The following CHRM5 variants were observed in gnomAD, a reference collection of about 807,000 sequenced individuals.
CHRM5 encodes cholinergic receptor muscarinic 5.
A neutral mutation model predicts 39.0 loss-of-function variants in CHRM5; 18 were observed. The ratio of observed to expected loss-of-function variants is 0.46; its 90% confidence interval spans 0.32 to 0.68. The LOEUF is 0.68. Among genes scored for constraint, CHRM5 ranks in the 30% least tolerant of loss-of-function variants. CHRM5 has a pLI of 0.04. For missense variants in CHRM5, 515 were observed against 651.1 expected (o/e 0.79, Z 2.28); for synonymous variants, 241 against 246.3 (o/e 0.98, Z 0.20).
intron 1 of CHRM5, among the ~76,000 whole-genome samples, chr15:33,995,400 A>G (rs1896892583): frequency 6.6e-6 from 1 of 152,264 alleles, no homozygotes; most frequent in South Asian, 2.1e-4. Flanking sequence ...AAGATGATTT[A>G]AAGTATATAA....
At chr15:34,004,886 CCAAACA>C (rs1220089264) in intron 1 of CHRM5, among the ~76,000 whole-genome samples, 2 of 151,374 alleles carry the variant, frequency 1.3e-5, no homozygotes, top group Non-Finnish European at 2.9e-5. Context: ...AAGATGTGTC[CCAAACA>C]TTACAAAATC....
intron 2 of CHRM5, among the ~76,000 whole-genome samples, chr15:34,052,969 A>G (rs2437888): frequency 0.16 from 24,545 of 152,010 alleles, 2,430 homozygotes; most frequent in African/African-American, 0.27. Context: ...TACCATTGAT[A>G]TTCTTCACAA....
At chr15:34,000,151 G>A (rs769521041) in intron 1 of CHRM5, among the ~76,000 whole-genome samples, 4 of 152,078 alleles carry the variant, frequency 2.6e-5, no homozygotes, top group Non-Finnish European at 5.9e-5. Flanking sequence ...TATATTCTCA[G>A]TAAGACCCCT....
intron 1 of CHRM5, among the ~76,000 whole-genome samples, chr15:33,986,472 T>C (rs1187716626): frequency 6.6e-6 from 1 of 152,074 alleles, no homozygotes; most frequent in Non-Finnish European, 1.5e-5. Flanking sequence ...TACAGAATTT[T>C]AAAGGTAAAT....
At chr15:33,999,843 T>C (rs1189922628) in intron 1 of CHRM5, among the ~76,000 whole-genome samples, 9 of 152,236 alleles carry the variant, frequency 5.9e-5, no homozygotes, top group Admixed American at 5.9e-4. Flanking sequence ...AGTGATCCTG[T>C]TAACACAGGA....
Position 34,058,555 on chromosome 15 carries a change from AACACACACACAC to A in CHRM5, c.-75-4060_-75-4049del, listed in dbSNP as rs3027963. ...AGGAAGTTCTCTCTGCTTTAATTCT[AACACACACACAC>A]ACACACACACACACACACACACACA... On this transcript the variant is annotated intron_variant, in intron 2 of 2. Coordinates refer to ENST00000383263, the MANE Select transcript of CHRM5 (RefSeq NM_012125.4). 2.2e-3 allele frequency among the ~76,000 whole-genome samples: 319 copies of A among 143,286 alleles called. 2 individuals are homozygous for A. The highest frequency in any genetic ancestry group is 7.8e-3 in the African/African-American group (302 of 38,880). 94.0% of individuals were successfully genotyped at this position (143,286 alleles called of 152,430 possible).
chr15:34,061,265 A>C (rs1166418966), intron 2 of CHRM5, among the ~76,000 whole-genome samples: 2 of 152,140 alleles, frequency 1.3e-5, no homozygotes, highest in Non-Finnish European at 2.9e-5. Flanking sequence ...TAGATTTTTT[A>C]ATCTACAAAG....
At chr15:34,050,292 C>T (rs1222769378) in intron 2 of CHRM5, among the ~76,000 whole-genome samples, 5 of 152,164 alleles carry the variant, frequency 3.3e-5, no homozygotes, top group Non-Finnish European at 5.9e-5. Flanking sequence ...CAAGCAAATG[C>T]TGAGGGAATT....
chr15:34,049,566 C>T (rs1395148135), intron 2 of CHRM5, among the ~76,000 whole-genome samples: 2 of 152,032 alleles, frequency 1.3e-5, no homozygotes, highest in Non-Finnish European at 2.9e-5. Context: ...GATTGGGGTA[C>T]CTGAAAGAGA....
At chr15:33,987,617 T>C (rs1394496973) in intron 1 of CHRM5, among the ~76,000 whole-genome samples, 1 of 152,196 alleles carries the variant, frequency 6.6e-6, no homozygotes. Context: ...CTACCAGAAT[T>C]ATTCCACTGA....
chr15:34,062,868 G>A lies in CHRM5; in HGVS notation c.151G>A (p.Val51Ile). 1.2e-6 allele frequency: 2 copies of A among 1,614,166 alleles called. No individual in the cohort carries two copies. Among genetic ancestry groups the A allele is most frequent in the Non-Finnish European group, 1.7e-6 (2 of 1,180,040 alleles). Residue 51 changes from valine to isoleucine, a missense_variant, in exon 3 of 3, where the codon GTC (valine) becomes ATC (isoleucine). Physicochemically the swap from Val to Ile is conservative, Grantham distance 29 (BLOSUM62 3). Coordinates refer to ENST00000383263, the MANE Select transcript of CHRM5 (RefSeq NM_012125.4). ...SLITIVGNVL[V>I]MISFKVNSQL... The stretch of plus-strand genomic sequence containing the variant: ...GATCACCATTGTGGGCAATGTCTTG[G>A]TCATGATCTCCTTCAAAGTCAACAG...
intron 1 of CHRM5, chr15:33,972,542 A>T (rs1005578996): frequency 1.3e-5 from 2 of 152,226 alleles, no homozygotes; most frequent in African/African-American, 4.8e-5. Flanking sequence ...AACAAAAACA[A>T]AAACAAAAAA....
intron 2 of CHRM5, among the ~76,000 whole-genome samples, chr15:34,055,136 G>A (rs936658830): frequency 1.3e-5 from 2 of 149,002 alleles, no homozygotes; most frequent in Non-Finnish European, 1.5e-5. Context: ...CGATTGCGGT[G>A]AGCCGAGATC....
chr15:34,029,070 C>T (rs776507901), intron 1 of CHRM5, among the ~76,000 whole-genome samples: 2 of 152,094 alleles, frequency 1.3e-5, no homozygotes, highest in Admixed American at 1.3e-4. Flanking sequence ...AGAGATTCCC[C>T]TCTGCAGACG....
At chr15:34,003,303 AT>A (rs1897212214) in intron 1 of CHRM5, 1 of 999,962 alleles carries the variant, frequency 1.0e-6, no homozygotes, top group East Asian at 2.5e-5. Context: ...GGACATAACA[AT>A]AAAAAGCAAT....
intron 1 of CHRM5, among the ~76,000 whole-genome samples, chr15:34,041,584 T>C (rs1024918841): frequency 6.6e-6 from 1 of 152,220 alleles, no homozygotes; most frequent in Admixed American, 6.5e-5. Flanking sequence ...TGCTTGATAC[T>C]TTCAACTAGT....
At chr15:34,050,494 C>T (rs1341982182) in intron 2 of CHRM5, among the ~76,000 whole-genome samples, 1 of 152,180 alleles carries the variant, frequency 6.6e-6, no homozygotes, top group Non-Finnish European at 1.5e-5. Flanking sequence ...CAAATTCACA[C>T]ATAACCATAC....
rs769848110 is a variant in CHRM5, at chr15:34,063,147, C to G, written c.430C>G (p.Pro144Ala). Residue 144 changes from proline (P) to alanine (A), a missense_variant, in exon 3 of 3, where the codon CCG (proline) becomes GCG (alanine). Pro to Ala is a conservative substitution (Grantham distance 27). Transcript: ENST00000383263. The surrounding 1 kb of genome is among the most constrained non-coding windows in gnomAD (Gnocchi z 4.1). ...RPLTYRAKRT[P>A]KRAGIMIGLA... ...CTTGACATATCGGGCCAAGCGTACT[C>G]CGAAAAGGGCTGGCATCATGATTGG... is the stretch of plus-strand genomic sequence containing the variant. 5 of 1,614,168 alleles carry G rather than the reference C, an allele frequency of 3.1e-6. No individual in the cohort carries two copies. In the East Asian group the frequency reaches 8.9e-5, roughly 29 times the overall value.
intron 1 of CHRM5, among the ~76,000 whole-genome samples, chr15:34,016,939 GACA>G (rs979563608): frequency 2.0e-5 from 3 of 151,966 alleles, no homozygotes; most frequent in Non-Finnish European, 4.4e-5. Context: ...GATCAGCCCG[GACA>G]ACATGGCAAA....
Sources: allele counts gnomAD v4.1 joint callset (sites outside exome capture counted in the v4.1 genomes callset), GRCh38; gene constraint gnomAD v4.1.1; non-coding constraint Gnocchi (gnomAD v3.1); transcripts MANE v1.5; gene names NCBI Gene and HGNC (gene_info 2026-07-23, HGNC 2026-07-21).